The following QRICH1 variants were observed in gnomAD, a reference collection of about 807,000 sequenced individuals.
The protein encoded by QRICH1 is glutamine rich 1.
Under a neutral mutation model 87.1 loss-of-function variants are expected in QRICH1, and 16 were observed. The observed-to-expected ratio is 0.18, with a 90% CI of 0.12 to 0.28. The LOEUF (loss-of-function observed/expected upper bound fraction) is 0.28. QRICH1 is among the 10% of genes least tolerant of loss of function. QRICH1 has a pLI of 1.00. For synonymous variants in QRICH1, 367 were observed against 368.4 expected, an observed-to-expected ratio of 1.00 and a Z score of 0.05; for missense variants, 647 against 951.7, an observed-to-expected ratio of 0.68 and a Z score of 4.21.
chr3:49,054,475 AC>A (rs1467440949), intron 3 of QRICH1, among the ~76,000 whole-genome samples: 3 of 72,728 alleles, frequency 4.1e-5, no homozygotes, highest in Admixed American at 1.5e-4. Context: ...CAACAACCCC[AC>A]CCCCACCCCT....
chr3:49,071,189 C>T (rs562902779), intron 2 of QRICH1, among the ~76,000 whole-genome samples: 2 of 152,084 alleles, frequency 1.3e-5, no homozygotes, highest in African/African-American at 4.8e-5. Context: ...CTCAGCCTCC[C>T]GAGTAGCTGG....
intron 2 of QRICH1, among the ~76,000 whole-genome samples, chr3:49,070,241 T>A (rs745749324): frequency 6.6e-6 from 1 of 152,076 alleles, no homozygotes; most frequent in Non-Finnish European, 1.5e-5. Context: ...TTTCACCATG[T>A]TGGCCAGGCT....
chr3:49,052,648 A>C (rs1411257426), intron 3 of QRICH1, among the ~76,000 whole-genome samples: 1 of 152,024 alleles, frequency 6.6e-6, no homozygotes, highest in Non-Finnish European at 1.5e-5. Flanking sequence ...GGCGCCCACC[A>C]CCATGCCCAG....
chr3:49,050,422 CAAAAAAAAAAAA>C (rs552220438), intron 3 of QRICH1, among the ~76,000 whole-genome samples: 4 of 58,616 alleles, frequency 6.8e-5, no homozygotes, highest in Admixed American at 4.7e-4. Context: ...GACTCTGTCT[CAAAAAAAAAAAA>C]AAAAAAAAAA....
intron 1 of QRICH1, among the ~76,000 whole-genome samples, chr3:49,088,518 G>A (rs1016259867): frequency 2.7e-5 from 4 of 148,236 alleles, no homozygotes; most frequent in African/African-American, 5.0e-5. Context: ...GGCTGTTCTC[G>A]AACTCCTGAC....
chr3:49,033,148 G>A lies in QRICH1; in HGVS notation c.1867C>T (p.Leu623=). ...GTATTAAAGAACATGAGGGTGGTCA[G>A]CAAGGTGGAGGGGGAGTGAGCCCCA... ...QLGAHSPSTL[L]TTLMFFNTKY... The change falls in exon 7 of 10, where the codon CTG becomes TTG. Residue 623 remains leucine, a synonymous_variant. Coordinates refer to ENST00000395443, the MANE Select transcript of QRICH1 (RefSeq NM_198880.3). 1 of 1,576,974 alleles carries A rather than the reference G, an allele frequency of 6.3e-7. No individual in the cohort carries two copies. The highest frequency in any genetic ancestry group is 8.6e-7 in the Non-Finnish European group (1 of 1,163,466).
chr3:49,032,106 G>A (rs2093244290), intron 9 of QRICH1, 77 bp downstream of exon 9: 1 of 1,183,334 alleles, frequency 8.5e-7, no homozygotes, highest in Non-Finnish European at 1.3e-6. Flanking sequence ...CCTATGATAA[G>A]TGATCACACA....
chr3:49,057,369 C>T lies in QRICH1; in HGVS notation c.831G>A (p.Gln277=). Residue 277 remains glutamine (Q), a synonymous_variant, in exon 3 of 10, where the codon CAG becomes CAA. Transcript: ENST00000395443. The surrounding 1 kb of genome is among the most constrained non-coding windows in gnomAD (Gnocchi z 5.4). ...AGTCTGGCCTCAAAGACACATAACT[C>T]TGCTGCTGGCCCTGTGGAATGGCCA... ...TVLAIPQGQQ[Q]SYVSLRPDLL... is the part of the protein sequence containing the mutation. The T allele has an allele frequency of 6.2e-7, 1 of 1,614,216 alleles. No individual in the cohort carries two copies. The highest frequency in any genetic ancestry group is 8.5e-7 in the Non-Finnish European group (1 of 1,180,044).
In QRICH1 at chr3:49,059,570, C is replaced by T. The variant is rs186975813; in HGVS notation, c.310-1680G>A. Among the ~76,000 whole-genome samples, 4 of 151,248 alleles carry T rather than the reference C, an allele frequency of 2.6e-5. No individual in the cohort carries two copies. The Admixed American group carries it at 2.6e-4, about 10-fold the overall frequency. ...GAGTAGCTGGGACTACAGACGCATG[C>T]CACCACCCCCAGCTAATTTCTGTAT... On this transcript the variant is annotated intron_variant, in intron 2 of 9. Transcript: ENST00000395443.
At chr3:49,053,004 T>C (rs2106888181) in intron 3 of QRICH1, among the ~76,000 whole-genome samples, 1 of 152,278 alleles carries the variant, frequency 6.6e-6, no homozygotes, top group African/African-American at 2.4e-5. Flanking sequence ...AAGAATCATC[T>C]GGAGGATGCT....
chr3:49,094,127 G>A (rs2042336200), upstream of QRICH1: 1 of 398,190 alleles, frequency 2.5e-6, no homozygotes, highest in South Asian at 1.3e-4. Flanking sequence ...CGAGATCTGG[G>A]ACTGCCTACC....
intron 2 of QRICH1, among the ~76,000 whole-genome samples, chr3:49,072,164 C>T (rs1425901557): frequency 1.3e-5 from 2 of 152,136 alleles, no homozygotes; most frequent in African/African-American, 4.8e-5. Context: ...AACCCCATCT[C>T]TACTAAAAAT....
At position 49,038,310 on chromosome 3, in the gene QRICH1, T is replaced by G. The variant is rs142163012; in HGVS notation, c.1787-5082A>C. Among the ~76,000 whole-genome samples, 377 of 152,050 alleles carry G rather than the reference T, an allele frequency of 2.5e-3. 3 individuals are homozygous for G. The highest frequency in any genetic ancestry group is 8.6e-3 in the African/African-American group (358 of 41,466). ...TCTCCTGAACTCATGATCCACCCGC[T>G]TCGGCCTCCCAAAGTGCTGGGATTA... is the stretch of plus-strand genomic sequence containing the variant. On this transcript the variant is annotated intron_variant, in intron 6 of 9. Coordinates refer to ENST00000395443, the MANE Select transcript of QRICH1 (RefSeq NM_198880.3).
chr3:49,030,779 G>A, intron 9 of QRICH1, 135 bp from the exon 10 acceptor site: 1 of 757,076 alleles, frequency 1.3e-6, no homozygotes, highest in Non-Finnish European at 2.1e-6. Context: ...ATTCCATGCA[G>A]CCACCACACA....
chr3:49,030,605 C>G lies in QRICH1; in HGVS notation c.2178G>C (p.Leu726=). The change falls in exon 10 of 10, where the codon CTG becomes CTC. Residue 726 remains leucine, a synonymous_variant. Coordinates refer to ENST00000395443, the MANE Select transcript of QRICH1 (RefSeq NM_198880.3). Reference sequence around the variant, plus strand: ...TGGGGGCCACCACTGGCTCAGGTGTCAGGTAAAAGGTGTCATTCCGGCCTT... The same window carrying G: ...TGGGGGCCACCACTGGCTCAGGTGTGAGGTAAAAGGTGTCATTCCGGCCTT... ...SVKGRNDTFY[L]TPEPVVAPNS... 6.2e-7 allele frequency: 1 copy of G among 1,607,732 alleles called. No individual in the cohort carries two copies. The highest frequency in any genetic ancestry group is 8.5e-7 in the Non-Finnish European group (1 of 1,176,548).
Position 49,057,901 on chromosome 3 carries a change from C to T in QRICH1, c.310-11G>A. 1.9e-6 allele frequency: 3 copies of T among 1,613,946 alleles called. No homozygotes were observed. The highest frequency in any genetic ancestry group is 2.5e-6 in the Non-Finnish European group (3 of 1,179,988). ...TACCTGCACCTGGACCTGTAAGCAA[C>T]AAGATTCATCAGTGAGTGAACCAGG... On this transcript the variant is annotated splice_polypyrimidine_tract_variant and intron_variant, in intron 2 of 9. Transcript: ENST00000395443. This position sits in a 1 kb window ranked among gnomAD's most constrained non-coding sequence, Gnocchi z 5.4.
Position 49,030,145 on chromosome 3 carries a change from C to G in QRICH1, c.*307G>C. 2.3e-6 allele frequency: 1 copy of G among 436,914 alleles called. No individual in the cohort carries two copies. The highest frequency in any genetic ancestry group is 4.0e-6 in the Non-Finnish European group (1 of 247,688). 27.1% of individuals were successfully genotyped at this position (436,914 alleles called of 1,614,324 possible). A position where few individuals can be genotyped will look rare whatever the true frequency, so the allele number is the denominator to read the frequency against. ...CTCTCTTGAAGATGGAAAGGGGCCA[C>G]ATTTCTTTTCACAGTCCAAGCCCTT... On this transcript the variant is annotated 3_prime_UTR_variant, in exon 10 of 10. Coordinates refer to ENST00000395443, the MANE Select transcript of QRICH1 (RefSeq NM_198880.3).
At chr3:49,032,377 C>T (rs1486254653) in intron 8 of QRICH1, 104 bp from the exon 9 acceptor site, 3 of 711,352 alleles carry the variant, frequency 4.2e-6, no homozygotes, top group Non-Finnish European at 4.7e-6. Context: ...CTAGGAAATA[C>T]AGGGTCGGGG....
At chr3:49,050,662 T>G (rs528731562) in intron 3 of QRICH1, among the ~76,000 whole-genome samples, 5 of 150,762 alleles carry the variant, frequency 3.3e-5, no homozygotes, top group Non-Finnish European at 7.4e-5. Context: ...GTTTTTCTCC[T>G]TAACTGCACT....
Sources: allele counts gnomAD v4.1 joint callset (sites outside exome capture counted in the v4.1 genomes callset), GRCh38; gene constraint gnomAD v4.1.1; non-coding constraint Gnocchi (gnomAD v3.1); transcripts MANE v1.5; gene names NCBI Gene and HGNC (gene_info 2026-07-23, HGNC 2026-07-21).